The following ITPR3 variants were observed in gnomAD, a reference collection of about 807,000 sequenced individuals.
The protein encoded by ITPR3 is inositol 1,4,5-trisphosphate receptor type 3.
A neutral mutation model predicts 293.2 loss-of-function variants in ITPR3; 173 were observed. That is an observed-to-expected ratio of 0.59 (90% CI 0.52 to 0.67). The LOEUF (loss-of-function observed/expected upper bound fraction) is 0.67, where lower values mean the gene tolerates loss of function less well. Ranked by LOEUF, ITPR3 falls within the 30% of genes least tolerant of loss-of-function variation. The probability of loss-of-function intolerance (pLI) is 0.00; values close to 1 mark genes in which losing one functional copy is unlikely to be tolerated. For missense variants in ITPR3, 2,796 were observed against 3,592.1 expected (o/e 0.78, Z 5.66); for synonymous variants, 1,295 against 1,444.4 (o/e 0.90, Z 2.35).
intron 7 of ITPR3, among the ~76,000 whole-genome samples, chr6:33,662,321 G>A (rs1192333539): frequency 6.6e-6 from 1 of 152,130 alleles, no homozygotes; most frequent in Non-Finnish European, 1.5e-5. Context: ...TGGATTTGGG[G>A]TCTGGGATGC....
intron 2 of ITPR3, 27 bp downstream of exon 2, chr6:33,640,581 G>A (rs1319364819): frequency 1.3e-5 from 20 of 1,577,888 alleles, no homozygotes; most frequent in Admixed American, 3.6e-5. Context: ...CTCTGCCCCC[G>A]CCCCTCCCAG....
chr6:33,665,801 C>T, intron 13 of ITPR3, 34 bp from the exon 14 acceptor site: 4 of 1,610,602 alleles, frequency 2.5e-6, no homozygotes, highest in Non-Finnish European at 3.4e-6. Flanking sequence ...GGGTGGGTAT[C>T]TCACACTCGT....
At chr6:33,677,835 T>G (rs1212309673) in intron 28 of ITPR3, among the ~76,000 whole-genome samples, 1 of 151,958 alleles carries the variant, frequency 6.6e-6, no homozygotes, top group Non-Finnish European at 1.5e-5. Flanking sequence ...TCATCCTAAT[T>G]CCCTTTGACC....
At chr6:33,668,835 G>C (rs1455515957) in intron 17 of ITPR3, 139 bp from the exon 18 acceptor site, 2 of 1,176,516 alleles carry the variant, frequency 1.7e-6, no homozygotes, top group Non-Finnish European at 2.4e-6. Flanking sequence ...AATGAGCCAC[G>C]GACCCTGCCC....
chr6:33,653,889 T>C lies in ITPR3; in HGVS notation c.161-1877T>C, dbSNP rs200816039. On this transcript the variant is annotated intron_variant, in intron 2 of 57. Transcript: ENST00000605930. Reference sequence around the variant, plus strand: ...CAAGGCACTGAGATCCACAAAATGATGTGGGGAAGCCCTGGGAGTGCCAAC... The same window carrying C: ...CAAGGCACTGAGATCCACAAAATGACGTGGGGAAGCCCTGGGAGTGCCAAC... Among the ~76,000 whole-genome samples, 240 of 152,224 alleles carry C rather than the reference T, an allele frequency of 1.6e-3. 2 individuals carry two copies. Among genetic ancestry groups the C allele is most frequent in the Middle Eastern group, 0.01 (3 of 294 alleles).
rs548824848 is a variant in ITPR3, at chr6:33,621,613, T to C, written c.11T>C (p.Met4Thr). Reference protein sequence around the residue: MSEMSSFLHIGDIV... With the variant: MSETSSFLHIGDIV... ...CGGAGGGCCGCAGCCATGAGTGAAA[T>C]GTCCAGCTTTCTTCACATCGGGGAC... The change falls in exon 1 of 58, where the codon ATG becomes ACG. Residue 4 changes from methionine (M) to threonine (T), a missense_variant. Transcript: ENST00000605930. This position sits in a 1 kb window ranked among gnomAD's most constrained non-coding sequence, Gnocchi z 7.7. The C allele has an allele frequency of 2.5e-6, 4 of 1,601,574 alleles. No individual in the cohort carries two copies. The highest frequency in any genetic ancestry group is 2.3e-5 in the East Asian group (1 of 44,428).
At position 33,687,367 on chromosome 6, in the gene ITPR3, G is replaced by T; in HGVS notation, c.6177+40G>T. 1 of 1,521,752 alleles carries T rather than the reference G, an allele frequency of 6.6e-7. No homozygotes were observed. Among genetic ancestry groups the T allele is most frequent in the Non-Finnish European group, 9.0e-7 (1 of 1,107,072 alleles). 94.3% of individuals were successfully genotyped at this position (1,521,752 alleles called of 1,614,324 possible). A position where few individuals can be genotyped will look rare whatever the true frequency, so the allele number is the denominator to read the frequency against. On this transcript the variant is annotated intron_variant, in intron 45 of 57. Coordinates refer to ENST00000605930, the MANE Select transcript of ITPR3 (RefSeq NM_002224.4). The surrounding 1 kb of genome is among the most constrained non-coding windows in gnomAD (Gnocchi z 5.3). ...CGTGGCAACGGCCATCACCCCCCTG[G>T]CCACCATACCCCGCCCCAGCTGCCA...
chr6:33,668,720 G>A, intron 17 of ITPR3, 86 bp downstream of exon 17: 1 of 1,578,956 alleles, frequency 6.3e-7, no homozygotes, highest in Non-Finnish European at 8.6e-7. Flanking sequence ...CTGGGTTCAG[G>A]CTGGAACTGG....
chr6:33,689,109 T>C (rs937366971), intron 49 of ITPR3, 129 bp from the exon 50 acceptor site: 2 of 1,131,814 alleles, frequency 1.8e-6, no homozygotes, highest in African/African-American at 3.1e-5. Context: ...TGGAGGAGGC[T>C]AAAACCAGGC....
intron 2 of ITPR3, among the ~76,000 whole-genome samples, chr6:33,646,506 A>G (rs545863086): frequency 6.6e-6 from 1 of 151,926 alleles, no homozygotes; most frequent in African/African-American, 2.4e-5. Context: ...TTCTATATAC[A>G]CTATTCTGTT....
At position 33,658,237 on chromosome 6, in the gene ITPR3, G is replaced by A. The variant is rs1015503199; in HGVS notation, c.369+219G>A. On this transcript the variant is annotated intron_variant, in intron 4 of 57. Coordinates refer to ENST00000605930, the MANE Select transcript of ITPR3 (RefSeq NM_002224.4). The surrounding 1 kb of genome is among the most constrained non-coding windows in gnomAD (Gnocchi z 6.1). Reference sequence around the variant, plus strand: ...GTGCCATGGGTGTGTTTACAGCATGGTGGCCATCAGCATGGAGTCTGGAGC... The same window carrying A: ...GTGCCATGGGTGTGTTTACAGCATGATGGCCATCAGCATGGAGTCTGGAGC... 6.6e-6 allele frequency among the ~76,000 whole-genome samples: 1 copy of A among 152,138 alleles called. No individual in the cohort carries two copies. Among genetic ancestry groups the A allele is most frequent in the Non-Finnish European group, 1.5e-5 (1 of 68,008 alleles).
At chr6:33,631,058 T>A (rs1763666987) in intron 1 of ITPR3, among the ~76,000 whole-genome samples, 1 of 152,152 alleles carries the variant, frequency 6.6e-6, no homozygotes, top group African/African-American at 2.4e-5. Flanking sequence ...CCCCCAGGCT[T>A]CCCACCCACC....
In ITPR3 at chr6:33,685,935, C is replaced by T. The variant is rs1282824497; in HGVS notation, c.5667+108C>T. The stretch of plus-strand genomic sequence containing the variant: ...TGGCAGGTGTGCCCTGCCCTGGGCA[C>T]TGCTGCTTTGTGGCTGGTGGTTCCC... On this transcript the variant is annotated intron_variant, in intron 41 of 57. Coordinates refer to ENST00000605930, the MANE Select transcript of ITPR3 (RefSeq NM_002224.4). The T allele has an allele frequency of 5.3e-6, 8 of 1,517,248 alleles. No homozygotes were observed. The African/African-American group carries it at 9.6e-5, about 18-fold the overall frequency. The allele number at this position is 1,517,248 out of a possible 1,614,324, so 94.0% of individuals were successfully genotyped here.
chr6:33,633,443 C>T lies in ITPR3; in HGVS notation c.90-7041C>T, dbSNP rs1416802991. On this transcript the variant is annotated intron_variant, in intron 1 of 57. Transcript: ENST00000605930. This position sits in a 1 kb window ranked among gnomAD's most constrained non-coding sequence, Gnocchi z 5.2. Reference sequence around the variant, plus strand: ...TGTGGTCCGGCTAGTTTGATAAACACAGGTGCCCGCCATGAGGAAGAGTCG... The same window carrying T: ...TGTGGTCCGGCTAGTTTGATAAACATAGGTGCCCGCCATGAGGAAGAGTCG... Among the ~76,000 whole-genome samples the T allele has an allele frequency of 6.6e-6, 1 of 151,926 alleles. No individual in the cohort carries two copies. Among genetic ancestry groups the T allele is most frequent in the African/African-American group, 2.4e-5 (1 of 41,446 alleles).
chr6:33,686,722 C>T (rs1334891291), intron 43 of ITPR3, among the ~76,000 whole-genome samples: 2 of 151,170 alleles, frequency 1.3e-5, no homozygotes, highest in African/African-American at 2.5e-5. Flanking sequence ...CTGGAACATA[C>T]ACTCACTCTG....
intron 8 of ITPR3, 74 bp from the exon 9 acceptor site, chr6:33,662,837 C>A: frequency 6.6e-7 from 1 of 1,515,006 alleles, no homozygotes; most frequent in Non-Finnish European, 8.9e-7. Context: ...CCAGAGATCT[C>A]CAGGCCTCCC....
chr6:33,679,687 G>C lies in ITPR3; in HGVS notation c.3973-195G>C, dbSNP rs914009811. ...AGAAGCGGGGACTTTCTGGGTCATG[G>C]GGTCAATATCTCTGCTGGCAGAGGG... On this transcript the variant is annotated intron_variant, in intron 30 of 57. Transcript: ENST00000605930. The surrounding 1 kb of genome is among the most constrained non-coding windows in gnomAD (Gnocchi z 4.2). 6.6e-6 allele frequency among the ~76,000 whole-genome samples: 1 copy of C among 152,244 alleles called. No individual in the cohort carries two copies.
intron 1 of ITPR3, among the ~76,000 whole-genome samples, chr6:33,631,312 C>T (rs568140244): frequency 2.6e-5 from 4 of 152,310 alleles, no homozygotes; most frequent in Admixed American, 6.5e-5. Flanking sequence ...TGGCCCTGAA[C>T]GGCTGGGGTC....
chr6:33,624,929 G>A lies in ITPR3; in HGVS notation c.89+3238G>A, dbSNP rs547102957. ...AGAATTAGAGGTCCTAGTGAAGATT[G>A]TACATTAACTCTAGGTGGGAAGGAT... On this transcript the variant is annotated intron_variant, in intron 1 of 57. Coordinates refer to ENST00000605930, the MANE Select transcript of ITPR3 (RefSeq NM_002224.4). This position sits in a 1 kb window ranked among gnomAD's most constrained non-coding sequence, Gnocchi z 4.7. 2.6e-5 allele frequency among the ~76,000 whole-genome samples: 4 copies of A among 152,352 alleles called. No individual in the cohort carries two copies. The highest frequency in any genetic ancestry group is 5.9e-5 in the Non-Finnish European group (4 of 68,038).
Sources: allele counts gnomAD v4.1 joint callset (sites outside exome capture counted in the v4.1 genomes callset), GRCh38; gene constraint gnomAD v4.1.1; non-coding constraint Gnocchi (gnomAD v3.1); transcripts MANE v1.5; gene names NCBI Gene and HGNC (gene_info 2026-07-23, HGNC 2026-07-21).